Variants in MAP2K6 observed in about 807,000 individuals in gnomAD.
MAP2K6 encodes the protein mitogen-activated protein kinase kinase 6.
In MAP2K6, 16 loss-of-function variants were observed where a neutral mutation model predicts 53.7. The observed-to-expected ratio is 0.30, with a 90% CI of 0.20 to 0.45. MAP2K6 has a LOEUF of 0.45. MAP2K6 is among the 20% of genes least tolerant of loss of function. The probability of loss-of-function intolerance (pLI) is 1.00; values close to 1 mark genes in which losing one functional copy is unlikely to be tolerated. For synonymous variants in MAP2K6, 132 were observed against 143.1 expected, an observed-to-expected ratio of 0.92 and a Z score of 0.55; for missense variants, 204 against 411.9, an observed-to-expected ratio of 0.50 and a Z score of 4.37.
At chr17:69,455,836 G>A (rs995789836) in intron 1 of MAP2K6, among the ~76,000 whole-genome samples, 3 of 149,878 alleles carry the variant, frequency 2.0e-5, no homozygotes, top group Non-Finnish European at 3.0e-5. Context: ...GACTGAGTGG[G>A]TTCCTGGACT....
At chr17:69,484,751 A>G (rs1908466927) in intron 1 of MAP2K6, among the ~76,000 whole-genome samples, 2 of 152,210 alleles carry the variant, frequency 1.3e-5, no homozygotes, top group Non-Finnish European at 1.5e-5. Context: ...ATAGGAAGGA[A>G]GAATTACTGA....
chr17:69,419,586 G>T (rs762951703), intron 1 of MAP2K6, among the ~76,000 whole-genome samples: 10 of 152,180 alleles, frequency 6.6e-5, no homozygotes, highest in Middle Eastern at 3.4e-3. Flanking sequence ...TGACATTTGT[G>T]TTTCATGTGC....
intron 1 of MAP2K6, among the ~76,000 whole-genome samples, chr17:69,449,539 T>TTCTTTGTC: frequency 9.5e-6 from 1 of 105,346 alleles, no homozygotes; most frequent in African/African-American, 4.1e-5. Context: ...TTGTCTTTCT[T>TTCTTTGTC]TCTTTCTTTC....
At chr17:69,460,853 G>A (rs1429295197) in intron 1 of MAP2K6, among the ~76,000 whole-genome samples, 1 of 152,182 alleles carries the variant, frequency 6.6e-6, no homozygotes, top group African/African-American at 2.4e-5. Context: ...ACCTGCCTTG[G>A]CCTCCCAAGG....
chr17:69,488,251 A>G (rs1908619193), intron 1 of MAP2K6, among the ~76,000 whole-genome samples: 1 of 152,082 alleles, frequency 6.6e-6, no homozygotes, highest in African/African-American at 2.4e-5. Context: ...GAGAATGGTT[A>G]TTATTAAAAA....
chr17:69,439,347 A>G (rs1163099135), intron 1 of MAP2K6, among the ~76,000 whole-genome samples: 1 of 152,178 alleles, frequency 6.6e-6, no homozygotes, highest in Non-Finnish European at 1.5e-5. Context: ...CCATATGCTG[A>G]CTTCCCATCT....
At chr17:69,509,125 C>A (rs908600035) in intron 2 of MAP2K6, among the ~76,000 whole-genome samples, 1 of 152,136 alleles carries the variant, frequency 6.6e-6, no homozygotes, top group African/African-American at 2.4e-5. Flanking sequence ...TTAGAATAAG[C>A]TTATCTATGT....
At chr17:69,518,353 T>A (rs1910283902) in intron 4 of MAP2K6, among the ~76,000 whole-genome samples, 1 of 152,212 alleles carries the variant, frequency 6.6e-6, no homozygotes, top group Admixed American at 6.5e-5. Flanking sequence ...ATTTGGCTGT[T>A]ATGACTCATA....
intron 10 of MAP2K6, among the ~76,000 whole-genome samples, chr17:69,532,373 A>G (rs991557407): frequency 1.3e-5 from 2 of 152,232 alleles, no homozygotes; most frequent in Non-Finnish European, 2.9e-5. Context: ...CAAGCTAGCA[A>G]TTCTCAAGAC....
At chr17:69,495,268 C>T (rs535382740) in intron 1 of MAP2K6, among the ~76,000 whole-genome samples, 1 of 151,010 alleles carries the variant, frequency 6.6e-6, no homozygotes, top group South Asian at 2.1e-4. Context: ...GCTGGAGTCT[C>T]GCTCTTGTCG....
intron 1 of MAP2K6, among the ~76,000 whole-genome samples, chr17:69,478,997 A>G (rs899142327): frequency 8.5e-5 from 13 of 152,234 alleles, no homozygotes; most frequent in Admixed American, 1.3e-4. Context: ...GCTTAGATGC[A>G]TATTGAATGT....
At chr17:69,521,215 A>G in intron 7 of MAP2K6, 115 bp downstream of exon 7, 1 of 815,004 alleles carries the variant, frequency 1.2e-6, no homozygotes, top group South Asian at 1.7e-5. Flanking sequence ...CTCAGGCAAG[A>G]GAACTAAGGG....
chr17:69,525,997 G>A (rs1316279941), intron 9 of MAP2K6, among the ~76,000 whole-genome samples: 1 of 151,762 alleles, frequency 6.6e-6, no homozygotes, highest in African/African-American at 2.4e-5. Context: ...ATTATCCACT[G>A]TGGTCCTGGC....
chr17:69,538,547 G>T (rs1911466886), intron 11 of MAP2K6, among the ~76,000 whole-genome samples: 1 of 152,146 alleles, frequency 6.6e-6, no homozygotes, highest in African/African-American at 2.4e-5. Flanking sequence ...TTTAGCATTG[G>T]GAAAACACTT....
At chr17:69,538,397 A>G (rs1020447649) in intron 11 of MAP2K6, among the ~76,000 whole-genome samples, 4 of 152,184 alleles carry the variant, frequency 2.6e-5, no homozygotes, top group Non-Finnish European at 5.9e-5. Context: ...TTATAAAATC[A>G]TGTCAGTCCC....
intron 1 of MAP2K6, among the ~76,000 whole-genome samples, chr17:69,495,095 A>C (rs1201363159): frequency 1.1e-5 from 1 of 92,560 alleles, no homozygotes; most frequent in Non-Finnish European, 2.3e-5. Context: ...CATTACTTCC[A>C]CATAAAAAAA....
chr17:69,541,320 C>T (rs1407344058), intron 11 of MAP2K6, among the ~76,000 whole-genome samples: 1 of 152,110 alleles, frequency 6.6e-6, no homozygotes, highest in Non-Finnish European at 1.5e-5. Context: ...ACTATATTAG[C>T]CTAAAATGAC....
chr17:69,511,166 G>C (rs979637653), intron 2 of MAP2K6, among the ~76,000 whole-genome samples: 9 of 152,094 alleles, frequency 5.9e-5, no homozygotes, highest in Admixed American at 1.3e-4. Flanking sequence ...ATTTTCCCTC[G>C]TATGGTATTA....
chr17:69,484,938 A>G (rs1172632517), intron 1 of MAP2K6, among the ~76,000 whole-genome samples: 1 of 152,108 alleles, frequency 6.6e-6, no homozygotes, highest in Non-Finnish European at 1.5e-5. Flanking sequence ...GTGTTGAAGG[A>G]AAAGAGGGAG....
Sources: allele counts gnomAD v4.1 joint callset (sites outside exome capture counted in the v4.1 genomes callset), GRCh38; gene constraint gnomAD v4.1.1; transcripts MANE v1.5; gene names NCBI Gene and HGNC (gene_info 2026-07-23, HGNC 2026-07-21).